The following PLD5 variants were observed in gnomAD, a reference collection of about 807,000 sequenced individuals.
The protein encoded by PLD5 is inactive phospholipase D5.
In PLD5, 36 loss-of-function variants were observed where a neutral mutation model predicts 61.1. That is an observed-to-expected ratio of 0.59 (90% CI 0.45 to 0.78). The LOEUF (loss-of-function observed/expected upper bound fraction) is 0.78, where lower values mean the gene tolerates loss of function less well. PLD5 is among the 30% of genes least tolerant of loss of function. The pLI is 0.00. For missense variants in PLD5, 515 were observed against 644.4 expected (o/e 0.80, Z 2.17); for synonymous variants, 243 against 242.8 (o/e 1.00, Z -0.01).
intron 1 of PLD5, among the ~76,000 whole-genome samples, chr1:242,431,648 A>G (rs907813246): frequency 8.5e-5 from 13 of 152,336 alleles, no homozygotes; most frequent in African/African-American, 3.1e-4. Flanking sequence ...CAACTCTGTC[A>G]CCTGCCAGAT....
chr1:242,292,744 G>C (rs1200319384), intron 2 of PLD5, among the ~76,000 whole-genome samples: 1 of 152,190 alleles, frequency 6.6e-6, no homozygotes, highest in South Asian at 2.1e-4. Flanking sequence ...TCCTCCTGTG[G>C]TATGGTTATA....
intron 5 of PLD5, among the ~76,000 whole-genome samples, chr1:242,195,691 G>T (rs1668596294): frequency 6.6e-6 from 1 of 152,218 alleles, no homozygotes; most frequent in African/African-American, 2.4e-5. Flanking sequence ...TTTCAGGGAG[G>T]CTTGCATCTG....
chr1:242,163,151 C>CTTTTTTTTT (rs1222335295), intron 5 of PLD5, among the ~76,000 whole-genome samples: 1 of 146,600 alleles, frequency 6.8e-6, no homozygotes, highest in African/African-American at 2.5e-5. Flanking sequence ...TCTTTTCTTT[C>CTTTTTTTTT]TTTTCTTGAG....
At chr1:242,505,478 T>C (rs1558154652) in intron 1 of PLD5, among the ~76,000 whole-genome samples, 2 of 152,168 alleles carry the variant, frequency 1.3e-5, no homozygotes, top group Non-Finnish European at 1.5e-5. Flanking sequence ...AACCTAAGTG[T>C]CCATCAACTG....
chr1:242,095,285 T>C (rs1209390654), intron 9 of PLD5, among the ~76,000 whole-genome samples: 1 of 151,978 alleles, frequency 6.6e-6, no homozygotes. Context: ...CAGGCTGGAG[T>C]GCACTGATGG....
Position 242,122,688 on chromosome 1 carries a change from C to T in PLD5, c.933+1780G>A, listed in dbSNP as rs571599872. Among the ~76,000 whole-genome samples the T allele has an allele frequency of 6.6e-4, 101 of 152,294 alleles. No homozygotes were observed. In the South Asian group the frequency reaches 6.8e-3, roughly 10 times the overall value. ...TTGCTACTCCATTCTTGACCTCCTC[C>T]ATACAAAAATGTTATTTTACCTCCA... On this transcript the variant is annotated intron_variant, in intron 6 of 9. Coordinates refer to ENST00000536534, the MANE Select transcript of PLD5 (RefSeq NM_001372062.1).
chr1:242,290,001 A>G (rs964835901), intron 2 of PLD5, among the ~76,000 whole-genome samples: 2 of 150,528 alleles, frequency 1.3e-5, no homozygotes, highest in Non-Finnish European at 3.0e-5. Context: ...TCAGCCTATC[A>G]TCACCCAAAA....
chr1:242,097,310 T>C (rs972835101), intron 9 of PLD5, among the ~76,000 whole-genome samples: 7 of 152,194 alleles, frequency 4.6e-5, no homozygotes, highest in African/African-American at 1.2e-4. Context: ...TTCTAGATCC[T>C]TGAGGAATCG....
intron 8 of PLD5, 78 bp from the exon 9 acceptor site, chr1:242,100,860 T>A: frequency 1.1e-6 from 1 of 928,522 alleles, no homozygotes; most frequent in Non-Finnish European, 1.7e-6. Context: ...AAGAATGCAT[T>A]ATCCAAATGT....
intron 1 of PLD5, among the ~76,000 whole-genome samples, chr1:242,420,555 A>AC (rs1360317061): frequency 6.6e-6 from 1 of 152,182 alleles, no homozygotes; most frequent in African/African-American, 2.4e-5. Context: ...CTGAATGGCA[A>AC]CTTTAATGCC....
chr1:242,353,554 T>A (rs2266541), intron 1 of PLD5, among the ~76,000 whole-genome samples: 129,740 of 151,858 alleles, frequency 0.85, 56,204 homozygotes, highest in South Asian at 0.92. Flanking sequence ...CTCTATATCT[T>A]TGAAAAATGA....
intron 1 of PLD5, among the ~76,000 whole-genome samples, chr1:242,373,454 A>G (rs191370774): frequency 1.3e-5 from 2 of 152,346 alleles, no homozygotes; most frequent in South Asian, 2.1e-4. Context: ...TACTGGGTAT[A>G]TACCCAAAGG....
chr1:242,158,893 C>T (rs991727890), intron 5 of PLD5, among the ~76,000 whole-genome samples: 2 of 152,146 alleles, frequency 1.3e-5, no homozygotes, highest in African/African-American at 2.4e-5. Flanking sequence ...GAGAGAAAAT[C>T]TTTATTTTCT....
chr1:242,272,811 A>T (rs938709596), intron 3 of PLD5, among the ~76,000 whole-genome samples: 1 of 152,186 alleles, frequency 6.6e-6, no homozygotes, highest in African/African-American at 2.4e-5. Flanking sequence ...ATAAAATCAT[A>T]TTCATCATAT....
upstream of PLD5, among the ~76,000 whole-genome samples, chr1:242,529,510 A>G (rs1045703548): frequency 6.6e-6 from 1 of 152,174 alleles, no homozygotes; most frequent in Non-Finnish European, 1.5e-5. Context: ...GACCTGCCCA[A>G]GAGACACAAG....
chr1:242,214,916 GC>G (rs1265488514), intron 5 of PLD5, among the ~76,000 whole-genome samples: 8 of 104,000 alleles, frequency 7.7e-5, no homozygotes, highest in African/African-American at 3.1e-4. Flanking sequence ...TTGCTCTGTT[GC>G]CCGGGCTGGA....
intron 1 of PLD5, among the ~76,000 whole-genome samples, chr1:242,371,855 C>T (rs1558504704): frequency 6.7e-6 from 1 of 149,420 alleles, no homozygotes; most frequent in African/African-American, 2.5e-5. Context: ...TTTTTGCCTG[C>T]TTTTTTTAAA....
chr1:242,132,192 C>CGGCGGGGG (rs57596101), intron 5 of PLD5, among the ~76,000 whole-genome samples: 5 of 21,076 alleles, frequency 2.4e-4, no homozygotes, highest in African/African-American at 1.0e-3. Flanking sequence ...GCAGTGATTG[C>CGGCGGGGG]GGGGGGGGGG....
chr1:242,529,783 C>CTTCCTTCCTTCCTTCCTTCCTTCT, the PLD5 span, among the ~76,000 whole-genome samples: 3 of 73,480 alleles, frequency 4.1e-5, no homozygotes, highest in Non-Finnish European at 9.1e-5. Flanking sequence ...TGGGATCTTC[C>CTTCCTTCCTTCCTTCCTTCCTTCT]TTCCTTCCTT....
Sources: allele counts gnomAD v4.1 joint callset (sites outside exome capture counted in the v4.1 genomes callset), GRCh38; gene constraint gnomAD v4.1.1; transcripts MANE v1.5; gene names NCBI Gene and HGNC (gene_info 2026-07-23, HGNC 2026-07-21).